The following TMEM272 variants were observed in gnomAD, a reference collection of about 807,000 sequenced individuals.
TMEM272 encodes the protein transmembrane protein 272, also known as long intergenic non-protein coding RNA 282.
TMEM272 carries 8 observed loss-of-function variants against 3.7 expected under a neutral mutation model. The observed-to-expected ratio is 2.17, with a 90% CI of 1.27 to 3.91. The LOEUF (loss-of-function observed/expected upper bound fraction) is 3.91. Among genes scored for constraint, TMEM272 ranks in the 30% most tolerant of loss-of-function variants. TMEM272 has a pLI of 0.00. For missense variants in TMEM272, 166 were observed against 91.5 expected (o/e 1.81, Z -3.32); for synonymous variants, 63 against 39.8 (o/e 1.58, Z -2.20).
the TMEM272 span, among the ~76,000 whole-genome samples, chr13:51,850,420 G>C: frequency 1.3e-5 from 2 of 152,146 alleles, no homozygotes; most frequent in African/African-American, 4.8e-5. Flanking sequence ...AACTAGACAA[G>C]GGCCCTGCCC....
intron 1 of TMEM272, among the ~76,000 whole-genome samples, chr13:51,843,606 T>C (rs1440321334): frequency 6.6e-6 from 1 of 152,226 alleles, no homozygotes; most frequent in African/African-American, 2.4e-5. Flanking sequence ...TTTTTTCTTA[T>C]TTGATAGAAA....
the TMEM272 span, among the ~76,000 whole-genome samples, chr13:51,887,851 G>A: frequency 6.6e-6 from 1 of 152,068 alleles, no homozygotes; most frequent in African/African-American, 2.4e-5. Context: ...AGGCAAGTTG[G>A]GCCATTTCTA....
At chr13:51,844,454 C>T (rs1468100324) in intron 1 of TMEM272, among the ~76,000 whole-genome samples, 3 of 152,138 alleles carry the variant, frequency 2.0e-5, no homozygotes, top group Non-Finnish European at 2.9e-5. Context: ...GGACACAGTC[C>T]TTTCTTATCT....
the TMEM272 span, among the ~76,000 whole-genome samples, chr13:51,877,575 CAAGA>C: frequency 6.6e-6 from 1 of 152,162 alleles, no homozygotes; most frequent in Admixed American, 6.5e-5. Flanking sequence ...AGTTAAGGCT[CAAGA>C]AAGTAGAAAC....
chr13:51,912,624 C>T, the TMEM272 span, among the ~76,000 whole-genome samples: 1 of 152,148 alleles, frequency 6.6e-6, no homozygotes, highest in African/African-American at 2.4e-5. Flanking sequence ...GCCTCGCCAG[C>T]CCCTAGACCC....
At chr13:51,916,715 C>T in the TMEM272 span, among the ~76,000 whole-genome samples, 1 of 152,160 alleles carries the variant, frequency 6.6e-6, no homozygotes, top group African/African-American at 2.4e-5. Context: ...CCAAGAAATC[C>T]TTAAGTTTCA....
At position 51,813,567 on chromosome 13, in the gene TMEM272, C is replaced by G. The variant is rs954304922; in HGVS notation, c.*3184G>C. 3.5e-6 allele frequency: 1 copy of G among 286,300 alleles called. No homozygotes were observed. The highest frequency in any genetic ancestry group is 2.2e-5 in the African/African-American group (1 of 45,848). 17.7% of individuals were successfully genotyped at this position (286,300 alleles called of 1,614,324 possible). A position where few individuals can be genotyped will look rare whatever the true frequency, so the allele number is the denominator to read the frequency against. On this transcript the variant is annotated 3_prime_UTR_variant, in exon 5 of 5. Transcript: ENST00000629372. ...AGCCAGTCCAGGCTGTATGTGTGGC[C>G]CGAGTGCACACATGCGGTTTCTCTG... is the stretch of plus-strand genomic sequence containing the variant.
At chr13:51,908,344 G>T in the TMEM272 span, 1 of 1,453,864 alleles carries the variant, frequency 6.9e-7, no homozygotes, top group Non-Finnish European at 9.6e-7. Flanking sequence ...CTTGGGGGAA[G>T]GTAAGGAGGA....
intron 2 of TMEM272, among the ~76,000 whole-genome samples, chr13:51,834,252 G>C (rs1956196594): frequency 6.6e-6 from 1 of 152,172 alleles, no homozygotes; most frequent in Non-Finnish European, 1.5e-5. Flanking sequence ...CTGTGTCCTG[G>C]AAGCTACCAC....
the TMEM272 span, among the ~76,000 whole-genome samples, chr13:51,922,918 C>T: frequency 6.6e-6 from 1 of 152,218 alleles, no homozygotes; most frequent in Admixed American, 6.5e-5. Context: ...TATCTGGGGC[C>T]ACCCACATGG....
the TMEM272 span, among the ~76,000 whole-genome samples, chr13:51,856,617 C>T: frequency 1.3e-5 from 2 of 151,964 alleles, no homozygotes; most frequent in Admixed American, 6.6e-5. Flanking sequence ...TTTCTCTTAC[C>T]GTCATCATTT....
At chr13:51,855,948 C>A in the TMEM272 span, among the ~76,000 whole-genome samples, 11 of 152,150 alleles carry the variant, frequency 7.2e-5, no homozygotes, top group Admixed American at 7.2e-4. Context: ...TGCCCCTGCA[C>A]AGAAAAATCA....
the TMEM272 span, among the ~76,000 whole-genome samples, chr13:51,877,578 G>C: frequency 2.2e-4 from 34 of 152,210 alleles, no homozygotes; most frequent in Non-Finnish European, 2.2e-4. Flanking sequence ...TAAGGCTCAA[G>C]AAAGTAGAAA....
At chr13:51,909,168 A>C in the TMEM272 span, 331 of 1,403,940 alleles carry the variant, frequency 2.4e-4, 2 homozygotes, top group Admixed American at 5.5e-3. Context: ...TGTTTCAGCT[A>C]ATTTTTGTCT....
intron 4 of TMEM272, among the ~76,000 whole-genome samples, chr13:51,819,237 G>C (rs910199681): frequency 8.5e-5 from 13 of 152,116 alleles, no homozygotes; most frequent in African/African-American, 3.1e-4. Flanking sequence ...AGGGTGGTGG[G>C]TTTAGGGTAG....
the TMEM272 span, among the ~76,000 whole-genome samples, chr13:51,931,578 T>C: frequency 6.6e-6 from 1 of 152,108 alleles, no homozygotes; most frequent in Non-Finnish European, 1.5e-5. Context: ...CAATGGCACA[T>C]GTGTACCTAC....
the TMEM272 span, among the ~76,000 whole-genome samples, chr13:51,907,745 A>T: frequency 6.6e-6 from 1 of 152,224 alleles, no homozygotes; most frequent in African/African-American, 2.4e-5. Context: ...GTAACAAACC[A>T]TCTTTTCAGT....
In TMEM272 at chr13:51,845,064, T is replaced by C. The variant is rs949048348; in HGVS notation, c.-72A>G. ...AGAATCGGGCAGCACTCAGCACCTC[T>C]GTGGTCCCGAAGTCCAGGGCTGCCT... On this transcript the variant is annotated 5_prime_UTR_variant, in exon 1 of 5. Transcript: ENST00000629372. 8.5e-5 allele frequency: 13 copies of C among 152,402 alleles called. No homozygotes were observed. The highest frequency in any genetic ancestry group is 3.4e-3 in the Middle Eastern group (1 of 294). The allele number at this position is 152,402 out of a possible 1,614,324, so 9.4% of individuals were successfully genotyped here. A position where few individuals can be genotyped will look rare whatever the true frequency, so the allele number is the denominator to read the frequency against.
the TMEM272 span, among the ~76,000 whole-genome samples, chr13:51,921,910 G>A: frequency 6.6e-6 from 1 of 152,128 alleles, no homozygotes; most frequent in East Asian, 1.9e-4. Context: ...CCCACTGTGT[G>A]CGTGTGTGTG....
Sources: gnomAD v4.1 joint callset for allele counts (sites outside exome capture counted in the v4.1 genomes callset) on GRCh38, gnomAD v4.1.1 for gene constraint, MANE v1.5 for transcripts, NCBI Gene and HGNC (gene_info 2026-07-23, HGNC 2026-07-21) for gene names.